PPM1D: variants seen among roughly 807,000 people sequenced by gnomAD.
PPM1D encodes protein phosphatase, Mg2+/Mn2+ dependent 1D.
In PPM1D, 52 loss-of-function variants were observed where a neutral mutation model predicts 58.3. The observed-to-expected ratio is 0.89, with a 90% CI of 0.71 to 1.12. The LOEUF is 1.12. Among genes scored for constraint, PPM1D ranks in the 50% most tolerant of loss-of-function variants. PPM1D has a pLI of 0.00. For missense variants in PPM1D, 564 were observed against 777.2 expected, an observed-to-expected ratio of 0.73 and a Z score of 3.26; for synonymous variants, 278 against 285.1, an observed-to-expected ratio of 0.98 and a Z score of 0.25.
intron 1 of PPM1D, among the ~76,000 whole-genome samples, chr17:60,602,939 A>G (rs1367810337): frequency 6.6e-6 from 1 of 152,158 alleles, no homozygotes; most frequent in African/African-American, 2.4e-5. Context: ...CCTTTCCTGT[A>G]CATATTCAGC....
At chr17:60,629,831 A>G (rs2030883705) in intron 2 of PPM1D, among the ~76,000 whole-genome samples, 1 of 152,154 alleles carries the variant, frequency 6.6e-6, no homozygotes, top group African/African-American at 2.4e-5. Context: ...GGAGGTCAGG[A>G]GTTCGAGACA....
At chr17:60,616,813 A>G (rs566044585) in intron 1 of PPM1D, among the ~76,000 whole-genome samples, 1 of 152,372 alleles carries the variant, frequency 6.6e-6, no homozygotes, top group South Asian at 2.1e-4. Context: ...GCTTTTGACC[A>G]AAAGTGTGAT....
At chr17:60,611,799 A>G (rs1448642960) in intron 1 of PPM1D, among the ~76,000 whole-genome samples, 3 of 152,134 alleles carry the variant, frequency 2.0e-5, no homozygotes. Context: ...TTGTCTCTTC[A>G]CTTCGTGATG....
intron 1 of PPM1D, among the ~76,000 whole-genome samples, chr17:60,616,807 T>A (rs1213289078): frequency 6.6e-6 from 1 of 152,246 alleles, no homozygotes; most frequent in Non-Finnish European, 1.5e-5. Flanking sequence ...TGTTAGGCTT[T>A]TGACCAAAAG....
At chr17:60,651,015 A>G (rs767967984) in intron 4 of PPM1D, among the ~76,000 whole-genome samples, 3 of 152,218 alleles carry the variant, frequency 2.0e-5, no homozygotes, top group Non-Finnish European at 4.4e-5. Flanking sequence ...ACAGTTAACA[A>G]GAGTTGCGTA....
At chr17:60,607,986 A>G (rs1567964085) in intron 1 of PPM1D, among the ~76,000 whole-genome samples, 1 of 152,228 alleles carries the variant, frequency 6.6e-6, no homozygotes, top group African/African-American at 2.4e-5. Flanking sequence ...CAAAGTGGGG[A>G]GAGAGAATTG....
At chr17:60,661,834 G>A (rs1167876096) in intron 5 of PPM1D, among the ~76,000 whole-genome samples, 1 of 152,088 alleles carries the variant, frequency 6.6e-6, no homozygotes, top group Non-Finnish European at 1.5e-5. Flanking sequence ...CTTTAATGTT[G>A]TAATGCTTTC....
intron 1 of PPM1D, among the ~76,000 whole-genome samples, chr17:60,605,397 A>G (rs1194313884): frequency 2.6e-5 from 4 of 152,204 alleles, no homozygotes; most frequent in Non-Finnish European, 5.9e-5. Context: ...CCTGTCAGCT[A>G]AATCTTGAGG....
intron 4 of PPM1D, among the ~76,000 whole-genome samples, chr17:60,654,744 T>C (rs371588824): frequency 4.0e-4 from 61 of 151,426 alleles, no homozygotes; most frequent in African/African-American, 1.5e-3. Flanking sequence ...GGCAGGTGCC[T>C]GTAATCCCAG....
chr17:60,606,059 T>C (rs1008222301), intron 1 of PPM1D, among the ~76,000 whole-genome samples: 24 of 152,210 alleles, frequency 1.6e-4, no homozygotes, highest in African/African-American at 5.3e-4. Flanking sequence ...TTAAATAATA[T>C]CTCATTGTTT....
intron 2 of PPM1D, among the ~76,000 whole-genome samples, chr17:60,626,035 A>G (rs550691002): frequency 3.3e-5 from 5 of 152,308 alleles, no homozygotes; most frequent in African/African-American, 9.6e-5. Flanking sequence ...CAAATATATT[A>G]TGGAGCTGTA....
chr17:60,662,990 T>G lies in PPM1D; in HGVS notation c.1261-5T>G. The stretch of plus-strand genomic sequence containing the variant: ...TCTTATTTGTTTTACCTTCTTATTT[T>G]TCAGTCACTGGAGGAGGATCCATGG... On this transcript the variant is annotated splice_region_variant and splice_polypyrimidine_tract_variant and intron_variant, in intron 5 of 5. Transcript: ENST00000305921. 6.3e-7 allele frequency: 1 copy of G among 1,583,518 alleles called. No homozygotes were observed. Among genetic ancestry groups the G allele is most frequent in the Non-Finnish European group, 8.6e-7 (1 of 1,166,732 alleles).
chr17:60,606,784 G>A (rs1200050871), intron 1 of PPM1D, among the ~76,000 whole-genome samples: 1 of 152,052 alleles, frequency 6.6e-6, no homozygotes, highest in East Asian at 1.9e-4. Context: ...TGGAATGAAA[G>A]AGTATATAAA....
chr17:60,632,299 A>G (rs1326545545), intron 2 of PPM1D, among the ~76,000 whole-genome samples: 4 of 152,306 alleles, frequency 2.6e-5, no homozygotes, highest in East Asian at 1.9e-4. Context: ...TCCCAAATCT[A>G]TATGTCTACA....
intron 5 of PPM1D, among the ~76,000 whole-genome samples, chr17:60,658,040 T>G (rs1479389589): frequency 6.6e-6 from 1 of 152,188 alleles, no homozygotes; most frequent in East Asian, 1.9e-4. Flanking sequence ...ATGAAGTATT[T>G]TCATTCACAA....
intron 5 of PPM1D, among the ~76,000 whole-genome samples, chr17:60,659,434 C>T (rs2031491323): frequency 1.3e-5 from 2 of 152,128 alleles, no homozygotes; most frequent in Non-Finnish European, 2.9e-5. Flanking sequence ...GTGGAAAAGC[C>T]TTTGTTTAAG....
At chr17:60,647,572 G>A (rs1052567138) in intron 3 of PPM1D, among the ~76,000 whole-genome samples, 4 of 152,014 alleles carry the variant, frequency 2.6e-5, no homozygotes, top group African/African-American at 9.7e-5. Flanking sequence ...GTGCTGGGAA[G>A]GACTCAGTAT....
At chr17:60,643,211 C>A (rs1308163409) in intron 3 of PPM1D, among the ~76,000 whole-genome samples, 1 of 151,930 alleles carries the variant, frequency 6.6e-6, no homozygotes. Context: ...GAAACCCCAT[C>A]TGTAGAAAAA....
At chr17:60,642,206 G>A (rs2143690983) in intron 3 of PPM1D, among the ~76,000 whole-genome samples, 1 of 152,148 alleles carries the variant, frequency 6.6e-6, no homozygotes, top group Admixed American at 6.5e-5. Flanking sequence ...TTTGTTGAAA[G>A]GTCAGATTCT....
Sources: gnomAD v4.1 joint callset for allele counts (sites outside exome capture counted in the v4.1 genomes callset) on GRCh38, gnomAD v4.1.1 for gene constraint, MANE v1.5 for transcripts, NCBI Gene and HGNC (gene_info 2026-07-23, HGNC 2026-07-21) for gene names.